CA5A: variants seen among roughly 807,000 people sequenced by gnomAD.
The protein encoded by CA5A is carbonic anhydrase 5A.
Under a neutral mutation model 37.1 loss-of-function variants are expected in CA5A, and 28 were observed. That is an observed-to-expected ratio of 0.75 (90% CI 0.56 to 1.03). The LOEUF (loss-of-function observed/expected upper bound fraction) is 1.03, where lower values mean the gene tolerates loss of function less well. Among genes scored for constraint, CA5A ranks in the 50% least tolerant of loss-of-function variants. The pLI is 0.00. For synonymous variants in CA5A, 171 were observed against 158.4 expected (o/e 1.08, Z -0.60); for missense variants, 444 against 399.9 (o/e 1.11, Z -0.94).
At chr16:87,889,868 G>T (rs1199690950) in intron 6 of CA5A, among the ~76,000 whole-genome samples, 1 of 152,216 alleles carries the variant, frequency 6.6e-6, no homozygotes, top group Non-Finnish European at 1.5e-5. Flanking sequence ...GGCAACTCAC[G>T]CATTTGATTA....
intron 1 of CA5A, among the ~76,000 whole-genome samples, chr16:87,934,089 C>A (rs2056440883): frequency 6.6e-6 from 1 of 152,254 alleles, no homozygotes; most frequent in African/African-American, 2.4e-5. Flanking sequence ...CACAGGGCAC[C>A]CACCGCTGCC....
At chr16:87,922,015 G>T (rs1397668020) in intron 2 of CA5A, among the ~76,000 whole-genome samples, 6 of 152,076 alleles carry the variant, frequency 3.9e-5, no homozygotes, top group African/African-American at 1.2e-4. Flanking sequence ...CCACAGGCAT[G>T]CACCACCACG....
intron 1 of CA5A, among the ~76,000 whole-genome samples, chr16:87,931,918 C>A (rs1323163931): frequency 6.6e-6 from 1 of 151,082 alleles, no homozygotes; most frequent in East Asian, 2.0e-4. Context: ...ACCAGCAGCC[C>A]TGAACTTCCA....
chr16:87,919,978 G>A (rs551154407), intron 2 of CA5A, among the ~76,000 whole-genome samples: 44 of 152,246 alleles, frequency 2.9e-4, no homozygotes, highest in African/African-American at 7.5e-4. Context: ...ACCCAGCCCC[G>A]GAAAGCCAGC....
intron 2 of CA5A, among the ~76,000 whole-genome samples, chr16:87,918,902 G>A (rs752874970): frequency 3.3e-5 from 5 of 152,182 alleles, no homozygotes; most frequent in African/African-American, 7.2e-5. Flanking sequence ...CTGCAGAGAC[G>A]GGGAGGGGAC....
exon 5 of CA5A, chr16:87,881,916 ATGT>A (rs957233100): frequency 1.3e-5 from 2 of 152,162 alleles, no homozygotes; most frequent in African/African-American, 4.8e-5. Flanking sequence ...GGAGACAAAG[ATGT>A]TGGTGGGTGC....
In CA5A at chr16:87,934,570, A is replaced by G. The variant is rs573731531; in HGVS notation, c.142+1739T>C. ...GGCAACAAGACAGAAATTAGTCTCA[A>G]AAAATAAAGGAAAGTCACAGAGGGG... is the stretch of plus-strand genomic sequence containing the variant. On this transcript the variant is annotated intron_variant, in intron 1 of 6. Transcript: ENST00000649794. 1.3e-3 allele frequency among the ~76,000 whole-genome samples: 191 copies of G among 151,902 alleles called. 1 individual carries two copies. The highest frequency in any genetic ancestry group is 4.5e-3 in the African/African-American group (187 of 41,430).
At chr16:87,932,001 C>T (rs889311796) in intron 1 of CA5A, among the ~76,000 whole-genome samples, 1 of 150,822 alleles carries the variant, frequency 6.6e-6, no homozygotes, top group African/African-American at 2.4e-5. Flanking sequence ...AGCTACTCAA[C>T]TACTTGGGAG....
chr16:87,922,124 G>T (rs1347147336), intron 2 of CA5A, among the ~76,000 whole-genome samples: 5 of 152,044 alleles, frequency 3.3e-5, no homozygotes, highest in African/African-American at 9.7e-5. Flanking sequence ...GTGAGCCGCC[G>T]GGCCGACAGG....
At chr16:87,912,107 G>A (rs1161971163) in intron 2 of CA5A, among the ~76,000 whole-genome samples, 6 of 152,136 alleles carry the variant, frequency 3.9e-5, no homozygotes, top group African/African-American at 1.4e-4. Context: ...TCTGAGACCA[G>A]CCTGGGCAAC....
At chr16:87,894,453 GAGGGTC>G (rs1264981207) in intron 5 of CA5A, among the ~76,000 whole-genome samples, 1 of 152,140 alleles carries the variant, frequency 6.6e-6, no homozygotes, top group East Asian at 1.9e-4. Context: ...ATCAAGCAGT[GAGGGTC>G]AGGGTCAAGA....
rs576345569 is a variant in CA5A at position 87,918,808 on chromosome 16, C to T, written c.340+7940G>A. Among the ~76,000 whole-genome samples, 5 of 152,300 alleles carry T rather than the reference C, an allele frequency of 3.3e-5. No individual in the cohort carries two copies. The East Asian group carries it at 9.7e-4, about 29-fold the overall frequency. ...TCTGAGGTTCTCATTCCCTCCATCC[C>T]CAGCGGCTCCCGATTCCCAATCCAG... On this transcript the variant is annotated intron_variant, in intron 2 of 6. Coordinates refer to ENST00000649794, the MANE Select transcript of CA5A (RefSeq NM_001739.2).
intron 6 of CA5A, 75 bp downstream of exon 6, chr16:87,891,724 C>T (rs2143902774): frequency 7.9e-7 from 1 of 1,263,186 alleles, no homozygotes; most frequent in Non-Finnish European, 1.1e-6. Flanking sequence ...TCTCATGCAG[C>T]ATCTTAGTGA....
intron 1 of CA5A, among the ~76,000 whole-genome samples, chr16:87,933,090 G>C (rs913282042): frequency 3.9e-5 from 6 of 152,346 alleles, no homozygotes; most frequent in South Asian, 2.1e-4. Flanking sequence ...CCCAACCACG[G>C]TCAGCCCGGG....
chr16:87,921,475 A>G (rs1166666042), intron 2 of CA5A, among the ~76,000 whole-genome samples: 3 of 152,080 alleles, frequency 2.0e-5, no homozygotes, highest in Non-Finnish European at 4.4e-5. Flanking sequence ...CATGGAAATA[A>G]TCTCTTTAAA....
chr16:87,899,093 G>A (rs1417842552), intron 5 of CA5A, among the ~76,000 whole-genome samples: 5 of 151,982 alleles, frequency 3.3e-5, no homozygotes, highest in African/African-American at 4.8e-5. Context: ...TCAGAGGTGC[G>A]CAGCTCAGGA....
intron 6 of CA5A, among the ~76,000 whole-genome samples, chr16:87,890,197 A>G (rs542810762): frequency 1.1e-4 from 17 of 152,282 alleles, no homozygotes; most frequent in African/African-American, 3.4e-4. Flanking sequence ...CTTTCCTGCC[A>G]TACAGCAGTG....
At chr16:87,913,373 C>G (rs4843278) in intron 2 of CA5A, among the ~76,000 whole-genome samples, 149,976 of 150,034 alleles carry the variant, frequency 1, 74,960 homozygotes, top group Middle Eastern at 1. Flanking sequence ...TGTGATCATG[C>G]CTCACTGCAG....
chr16:87,921,908 C>T lies in CA5A; in HGVS notation c.340+4840G>A, dbSNP rs145878634. ...TGAGAGACAGGATCTCGCTGTGTTGCCCAGGCTGGAGTTAAGTGGCACAAT... is the reference window on the plus strand; with the variant it reads ...TGAGAGACAGGATCTCGCTGTGTTGTCCAGGCTGGAGTTAAGTGGCACAAT... On this transcript the variant is annotated intron_variant, in intron 2 of 6. Transcript: ENST00000649794. Among the ~76,000 whole-genome samples, 1,030 of 151,800 alleles carry T rather than the reference C, an allele frequency of 6.8e-3. 10 individuals carry two copies. The highest frequency in any genetic ancestry group is 0.024 in the African/African-American group (980 of 41,360).
Sources: gnomAD v4.1 joint callset for allele counts (sites outside exome capture counted in the v4.1 genomes callset) on GRCh38, gnomAD v4.1.1 for gene constraint, MANE v1.5 for transcripts, NCBI Gene and HGNC (gene_info 2026-07-23, HGNC 2026-07-21) for gene names.